CHODL: variants seen among roughly 807,000 people sequenced by gnomAD.
CHODL encodes chondrolectin.
Under a neutral mutation model 34.5 loss-of-function variants are expected in CHODL, and 29 were observed. The ratio of observed to expected loss-of-function variants is 0.84; its 90% CI spans 0.63 to 1.15. The LOEUF is 1.15. CHODL is among the 50% of genes most tolerant of loss of function. CHODL has a pLI of 0.00. For missense variants in CHODL, 332 were observed against 332.5 expected (o/e 1.00, Z 0.01); for synonymous variants, 125 against 116.1 (o/e 1.08, Z -0.49).
At position 18,001,576 on chromosome 21, in the gene CHODL, A is replaced by G. The variant is rs375648808; in HGVS notation, c.-144-26296A>G. ...TGAATAGACACATGTTTCTGCTGCC[A>G]GAAAATACATTTAGTCCCCGTTTAC... is the stretch of plus-strand genomic sequence containing the variant. On this transcript the variant is annotated intron_variant, in intron 1 of 6. Transcript: ENST00000400127. Among the ~76,000 whole-genome samples the G allele has an allele frequency of 6.6e-4, 100 of 152,346 alleles. No homozygotes were observed. The South Asian group carries it at 7.0e-3, about 11-fold the overall frequency.
intron 2 of CHODL, among the ~76,000 whole-genome samples, chr21:18,143,572 G>A (rs1221887521): frequency 6.6e-6 from 1 of 152,016 alleles, no homozygotes; most frequent in Non-Finnish European, 1.5e-5. Context: ...TATTAACTGT[G>A]TTACTTTCGG....
chr21:18,095,139 G>T (rs557502277), intron 2 of CHODL, among the ~76,000 whole-genome samples: 1 of 149,560 alleles, frequency 6.7e-6, no homozygotes, highest in African/African-American at 2.5e-5. Flanking sequence ...AAAAAAAGAA[G>T]GAAAGAAAAA....
chr21:18,267,032 A>G lies in CHODL; in HGVS notation c.*994A>G, dbSNP rs2074471961. 1.3e-5 allele frequency: 2 copies of G among 152,228 alleles called. No individual in the cohort carries two copies. 9.4% of individuals were successfully genotyped at this position (152,228 alleles called of 1,614,324 possible). A position where few individuals can be genotyped will look rare whatever the true frequency, so the allele number is the denominator to read the frequency against. On this transcript the variant is annotated 3_prime_UTR_variant, in exon 6 of 6. Coordinates refer to ENST00000299295, the MANE Select transcript of CHODL (RefSeq NM_024944.3). ...TGCAAAGTTAGTCTAAGGTTTCCCT[A>G]GCTGTATTTAGCCTCTGACTATATT...
At chr21:17,944,332 T>C (rs924593959) in intron 1 of CHODL, among the ~76,000 whole-genome samples, 1 of 152,210 alleles carries the variant, frequency 6.6e-6, no homozygotes, top group Non-Finnish European at 1.5e-5. Context: ...GCAGTGGCTC[T>C]GAGCAGTTAA....
intron 2 of CHODL, among the ~76,000 whole-genome samples, chr21:18,236,086 G>A (rs551726882): frequency 5.3e-5 from 8 of 152,212 alleles, no homozygotes; most frequent in African/African-American, 1.4e-4. Flanking sequence ...ATTTACAAGC[G>A]AAAGAGGTTT....
intron 2 of CHODL, among the ~76,000 whole-genome samples, chr21:18,072,840 A>C (rs558064800): frequency 1.6e-4 from 25 of 152,220 alleles, no homozygotes; most frequent in Non-Finnish European, 3.1e-4. Flanking sequence ...CCTATAAAAA[A>C]GTTTTCTTTT....
At chr21:17,996,684 G>A (rs158081) in intron 1 of CHODL, among the ~76,000 whole-genome samples, 106,373 of 152,112 alleles carry the variant, frequency 0.7, 38,391 homozygotes, top group African/African-American at 0.87. Context: ...CTAAGTGTTT[G>A]GATTTTATCT....
At chr21:18,245,490 A>G (rs1284961043) in intron 1 of CHODL, among the ~76,000 whole-genome samples, 188 bp downstream of exon 1, 5 of 152,248 alleles carry the variant, frequency 3.3e-5, no homozygotes, top group African/African-American at 7.2e-5. Flanking sequence ...CACACGCAGA[A>G]AAGTTTAAAT....
chr21:18,238,263 G>C (rs1205421105), intron 2 of CHODL, among the ~76,000 whole-genome samples: 1 of 152,014 alleles, frequency 6.6e-6, no homozygotes, highest in African/African-American at 2.4e-5. Flanking sequence ...TGCTGATAAA[G>C]ACATACCCGA....
intron 2 of CHODL, among the ~76,000 whole-genome samples, chr21:18,101,271 T>C (rs2065210256): frequency 6.6e-6 from 1 of 152,168 alleles, no homozygotes; most frequent in Non-Finnish European, 1.5e-5. Context: ...TTGTGAGACC[T>C]CCCTAGCCAT....
chr21:17,920,777 G>C (rs984908138), intron 1 of CHODL, among the ~76,000 whole-genome samples: 1 of 152,200 alleles, frequency 6.6e-6, no homozygotes, highest in Non-Finnish European at 1.5e-5. Flanking sequence ...ACTGTATACT[G>C]CTAGTGAGGT....
At chr21:18,010,297 C>CAAAAAAAAA (rs71189576) in intron 1 of CHODL, among the ~76,000 whole-genome samples, 6 of 38,650 alleles carry the variant, frequency 1.6e-4, no homozygotes, top group Admixed American at 4.9e-4. Flanking sequence ...ACTCCCGTCT[C>CAAAAAAAAA]AAAAAAAAAA....
At chr21:18,202,027 A>C (rs9305853) in intron 2 of CHODL, among the ~76,000 whole-genome samples, 2 of 151,692 alleles carry the variant, frequency 1.3e-5, no homozygotes. Context: ...GGATGATCTC[A>C]ATCTCCTGAC....
chr21:18,203,609 T>C (rs62213376), intron 2 of CHODL, among the ~76,000 whole-genome samples: 4,385 of 152,264 alleles, frequency 0.029, 87 homozygotes, highest in South Asian at 0.086. Context: ...CCCAAGTTTT[T>C]CACCACAAGA....
chr21:18,092,677 C>T (rs1158534645), intron 2 of CHODL, among the ~76,000 whole-genome samples: 1 of 152,180 alleles, frequency 6.6e-6, no homozygotes, highest in Non-Finnish European at 1.5e-5. Flanking sequence ...ATGCAATTGA[C>T]ATTCCCAAGA....
chr21:18,106,501 C>CTTTTTTCTTTTTCTTTTTCT (rs2065274376), intron 2 of CHODL, among the ~76,000 whole-genome samples: 2 of 133,252 alleles, frequency 1.5e-5, no homozygotes, highest in Non-Finnish European at 1.5e-5. Flanking sequence ...TTTTCTTTTT[C>CTTTTTTCTTTTTCTTTTTCT]TTTTTTTTTT....
rs143081707 is a variant in CHODL at position 18,086,890 on chromosome 21, G to T, written c.-45+58919G>T. ...AGTGGTGAGCCAAGTGTGTGGGTGG[G>T]TTCTCAGACCCTTGGGCAGCTGGTG... is the stretch of plus-strand genomic sequence containing the variant. On this transcript the variant is annotated intron_variant, in intron 2 of 6. Coordinates refer to the CHODL transcript ENST00000400127. 5.3e-3 allele frequency among the ~76,000 whole-genome samples: 814 copies of T among 152,264 alleles called. 7 individuals are homozygous for T. The highest frequency in any genetic ancestry group is 0.018 in the African/African-American group (749 of 41,562).
chr21:18,220,904 T>C (rs2073877196), intron 2 of CHODL, among the ~76,000 whole-genome samples: 1 of 152,162 alleles, frequency 6.6e-6, no homozygotes, highest in South Asian at 2.1e-4. Context: ...TTGTGGTTCT[T>C]TGAGCTTCCT....
In CHODL at chr21:17,962,859, C is replaced by T. The variant is rs564421065; in HGVS notation, c.-145+45459C>T. ...CGGGTGGATCATGAGGTCAGGAGAT[C>T]GAGACCATCCTGGCTAACACGGTGA... On this transcript the variant is annotated intron_variant, in intron 1 of 6. Coordinates refer to the CHODL transcript ENST00000400127. Among the ~76,000 whole-genome samples, 399 of 151,852 alleles carry T rather than the reference C, an allele frequency of 2.6e-3. 1 individual carries two copies. Among genetic ancestry groups the T allele is most frequent in the Middle Eastern group, 0.024 (7 of 294 alleles).
Sources: allele counts gnomAD v4.1 joint callset (sites outside exome capture counted in the v4.1 genomes callset), GRCh38; gene constraint gnomAD v4.1.1; transcripts MANE v1.5; gene names NCBI Gene and HGNC (gene_info 2026-07-23, HGNC 2026-07-21).